Variants in NID2 observed in about 807,000 individuals in gnomAD.
NID2 encodes nidogen 2.
In NID2, 83 loss-of-function variants were observed where a neutral mutation model predicts 145.4. The observed-to-expected ratio is 0.57, with a 90% CI of 0.48 to 0.69. The LOEUF (loss-of-function observed/expected upper bound fraction) is 0.69, where lower values mean the gene tolerates loss of function less well. Among genes scored for constraint, NID2 ranks in the 30% least tolerant of loss-of-function variants. NID2 has a pLI of 0.00. For synonymous variants in NID2, 739 were observed against 701.3 expected (o/e 1.05, Z -0.85); for missense variants, 1,807 against 1,765.7 (o/e 1.02, Z -0.42).
At chr14:52,048,210 G>T (rs141254878) in intron 5 of NID2, among the ~76,000 whole-genome samples, 58 of 152,284 alleles carry the variant, frequency 3.8e-4, no homozygotes, top group East Asian at 3.1e-3. Context: ...CAGTGCTTAC[G>T]GCCCATTTGG....
Position 52,044,586 on chromosome 14 carries a change from C to T in NID2, c.1430-1655G>A, listed in dbSNP as rs574000566. Among the ~76,000 whole-genome samples, 98 of 141,052 alleles carry T rather than the reference C, an allele frequency of 6.9e-4. 1 individual carries two copies. Among genetic ancestry groups the T allele is most frequent in the Non-Finnish European group, 1.3e-3 (86 of 65,292 alleles). 92.5% of individuals were successfully genotyped at this position (141,052 alleles called of 152,430 possible). On this transcript the variant is annotated intron_variant, in intron 5 of 21. Coordinates refer to ENST00000216286, the MANE Select transcript of NID2 (RefSeq NM_007361.4). ...CGCCCGGCCAACAACTCTTAATTTG[C>T]ACAACAACCCTAGGTAGCAGGGACT...
At chr14:52,062,815 T>TATTC (rs535290267) in intron 2 of NID2, among the ~76,000 whole-genome samples, 9 of 152,174 alleles carry the variant, frequency 5.9e-5, no homozygotes, top group Admixed American at 3.3e-4. Context: ...CACTTTATTT[T>TATTC]ATTCATTCAT....
At chr14:52,039,105 T>C in intron 8 of NID2, 128 bp from the exon 9 acceptor site, 2 of 686,560 alleles carry the variant, frequency 2.9e-6, no homozygotes, top group Admixed American at 3.2e-5. Context: ...CCTGAGTTTA[T>C]ATGAAAAAAT....
rs774906315 is a variant in NID2, at chr14:52,038,789, C to A, written c.2215G>T (p.Val739Leu). 1 of 1,608,060 alleles carries A rather than the reference C, an allele frequency of 6.2e-7. No homozygotes were observed. Among genetic ancestry groups the A allele is most frequent in the East Asian group, 2.2e-5 (1 of 44,732 alleles). ...TGATTGGTCACAGCAAATCTAAGCA[C>A]TCTTTCTTCGTCATTATACAAGGCA... The part of the protein sequence containing the change: ...VFALYNDEER[V>L]LRFAVTNQIG... The change falls in exon 9 of 22, where the codon GTG becomes TTG. Residue 739 changes from valine to leucine, a missense_variant. By Grantham distance (32) the Val-to-Leu change is conservative. Transcript: ENST00000216286.
intron 12 of NID2, among the ~76,000 whole-genome samples, chr14:52,023,248 G>A (rs1012414321): frequency 2.6e-5 from 4 of 152,066 alleles, no homozygotes; most frequent in African/African-American, 9.7e-5. Flanking sequence ...AGGCTGAGGG[G>A]GGTAGATCGA....
intron 9 of NID2, among the ~76,000 whole-genome samples, chr14:52,036,659 C>T (rs561594355): frequency 1.1e-4 from 16 of 152,268 alleles, no homozygotes; most frequent in African/African-American, 3.4e-4. Flanking sequence ...CATGTTCTCG[C>T]CAACACTTGT....
intron 17 of NID2, 128 bp downstream of exon 17, chr14:52,011,416 TATACAGCTCA>T: frequency 9.6e-7 from 1 of 1,038,958 alleles, no homozygotes; most frequent in East Asian, 2.4e-5. Context: ...GGGCTAGTCT[TATACAGCTCA>T]ATAAAATGAC....
intron 3 of NID2, among the ~76,000 whole-genome samples, chr14:52,057,377 T>C (rs1041026756): frequency 3.9e-5 from 6 of 152,128 alleles, no homozygotes; most frequent in African/African-American, 1.4e-4. Flanking sequence ...CATTTAGCAA[T>C]GAACTGGCAT....
Position 52,038,883 on chromosome 14 carries a change from C to G in NID2, c.2121G>C (p.Gln707His), listed in dbSNP as rs1892173042. The change falls in exon 9 of 22, where the codon CAG becomes CAC. Residue 707 changes from glutamine (Q) to histidine (H), a missense_variant. Physicochemically the swap from Gln to His is conservative, Grantham distance 24. Coordinates refer to ENST00000216286, the MANE Select transcript of NID2 (RefSeq NM_007361.4). ...SYRIHQNITY[Q>H]VCRHAPRHPS... ...GGTGTCTGGGGGCGTGCCTGCACAC[C>G]TGGTAAGTGATGTTCTGGTGGATGC... 6.2e-7 allele frequency: 1 copy of G among 1,613,988 alleles called. No homozygotes were observed. The highest frequency in any genetic ancestry group is 1.7e-5 in the Admixed American group (1 of 59,992).
At chr14:52,053,126 C>T (rs1037513629) in intron 5 of NID2, among the ~76,000 whole-genome samples, 15 of 152,326 alleles carry the variant, frequency 9.8e-5, no homozygotes, top group African/African-American at 2.2e-4. Flanking sequence ...CCAAGGGAAG[C>T]GCTAGGCTTG....
intron 16 of NID2, 92 bp from the exon 17 acceptor site, chr14:52,011,775 G>C (rs1054381912): frequency 5.7e-6 from 8 of 1,413,538 alleles, no homozygotes; most frequent in Non-Finnish European, 9.9e-7. Flanking sequence ...GCTGCAGTGA[G>C]CAACACTGCA....
intron 5 of NID2, among the ~76,000 whole-genome samples, chr14:52,043,498 A>G (rs1201931161): frequency 4.6e-5 from 7 of 152,232 alleles, no homozygotes; most frequent in African/African-American, 1.7e-4. Flanking sequence ...AGAGGAGGGC[A>G]AAACAACAGG....
chr14:52,028,798 A>G lies in NID2; in HGVS notation c.2454T>C (p.Cys818=). The change falls in exon 11 of 22, where the codon TGT becomes TGC. Residue 818 remains cysteine, a synonymous_variant. Transcript: ENST00000216286. ...GFHRCGPNSV[C]INLPGSYRCE... is the part of the protein sequence containing the mutation. ...ACCTGTAGCTTCCAGGCAAGTTGATACATACAGAGTTGGGGCCACAGCGAT... is the reference window on the plus strand; with the variant it reads ...ACCTGTAGCTTCCAGGCAAGTTGATGCATACAGAGTTGGGGCCACAGCGAT... 4 of 1,614,164 alleles carry G rather than the reference A, an allele frequency of 2.5e-6. No individual in the cohort carries two copies. The highest frequency in any genetic ancestry group is 3.4e-6 in the Non-Finnish European group (4 of 1,180,014).
chr14:52,065,560 T>C (rs1422991049), intron 2 of NID2, among the ~76,000 whole-genome samples: 1 of 134,838 alleles, frequency 7.4e-6, no homozygotes, highest in African/African-American at 2.9e-5. Flanking sequence ...TTGTGCAGGT[T>C]AGTTACATAT....
At chr14:52,060,755 C>T (rs1484820031) in intron 2 of NID2, among the ~76,000 whole-genome samples, 1 of 152,166 alleles carries the variant, frequency 6.6e-6, no homozygotes, top group Non-Finnish European at 1.5e-5. Flanking sequence ...TAACCCTAGG[C>T]ACTCAGCATC....
chr14:52,036,878 C>T (rs534306071), intron 9 of NID2, among the ~76,000 whole-genome samples: 81 of 151,714 alleles, frequency 5.3e-4, no homozygotes, highest in African/African-American at 1.7e-3. Context: ...TAAGATACTT[C>T]GTATACTCTA....
rs137941862 is a variant in NID2, at chr14:52,053,584, G to A, written c.1424C>T (p.Thr475Ile). 7,656 of 1,612,728 alleles carry A rather than the reference G, an allele frequency of 4.7e-3. 34 individuals carry two copies. Among genetic ancestry groups the A allele is most frequent in the Non-Finnish European group, 5.3e-3 (6,226 of 1,179,056 alleles). ...VGLEDNIGSN[T>I]EVFTYNAANK... ...CAGTTTTCTAATGCACTCACCCTCGGTGTTGGAACCTATGTTGTCTTCCAG... is the reference window on the plus strand; with the variant it reads ...CAGTTTTCTAATGCACTCACCCTCGATGTTGGAACCTATGTTGTCTTCCAG... The change falls in exon 5 of 22, where the codon ACC (threonine) becomes ATC (isoleucine). Residue 475 changes from threonine to isoleucine, a missense_variant. Transcript: ENST00000216286.
At chr14:52,042,488 TATCC>T (rs1892320831) in intron 6 of NID2, 138 bp from the exon 7 acceptor site, 2 of 1,124,256 alleles carry the variant, frequency 1.8e-6, no homozygotes, top group African/African-American at 1.6e-5. Context: ...ACCAACCAAT[TATCC>T]ATCTATGAAA....
intron 15 of NID2, 69 bp downstream of exon 15, chr14:52,014,985 A>T: frequency 7.6e-7 from 1 of 1,322,218 alleles, no homozygotes; most frequent in Non-Finnish European, 1.1e-6. Context: ...CCACTTCACC[A>T]CAGCAGGCAC....
Sources: gnomAD v4.1 joint callset for allele counts (sites outside exome capture counted in the v4.1 genomes callset) on GRCh38, gnomAD v4.1.1 for gene constraint, MANE v1.5 for transcripts, NCBI Gene and HGNC (gene_info 2026-07-23, HGNC 2026-07-21) for gene names.